MDGA2: variants seen among roughly 807,000 people sequenced by gnomAD.
The protein encoded by MDGA2 is MAM domain containing glycosylphosphatidylinositol anchor 2, also known as MAM domain-containing glycosylphosphatidylinositol anchor protein 2.
In MDGA2, 40 loss-of-function variants were observed where a neutral mutation model predicts 117.8. The observed-to-expected ratio is 0.34, with a 90% confidence interval of 0.26 to 0.44. The LOEUF (loss-of-function observed/expected upper bound fraction) is 0.44. Among genes scored for constraint, MDGA2 ranks in the 20% least tolerant of loss-of-function variants. The probability of loss-of-function intolerance (pLI) is 1.00; values close to 1 mark genes in which losing one functional copy is unlikely to be tolerated. For synonymous variants in MDGA2, 452 were observed against 439.0 expected (o/e 1.03, Z -0.37); for missense variants, 1,123 against 1,250.6 (o/e 0.90, Z 1.54).
chr14:47,200,251 C>G (rs932179975), intron 3 of MDGA2, among the ~76,000 whole-genome samples: 1 of 151,878 alleles, frequency 6.6e-6, no homozygotes, highest in South Asian at 2.1e-4. Flanking sequence ...ATTATCACCA[C>G]CATATATGGC....
chr14:47,535,585 A>G (rs1566503288), intron 1 of MDGA2, among the ~76,000 whole-genome samples: 1 of 152,236 alleles, frequency 6.6e-6, no homozygotes, highest in African/African-American at 2.4e-5. Flanking sequence ...TGAGTCGGGA[A>G]GGAGTGCATT....
At chr14:47,495,490 T>TC (rs1894263096) in intron 1 of MDGA2, among the ~76,000 whole-genome samples, 1 of 152,104 alleles carries the variant, frequency 6.6e-6, no homozygotes, top group Non-Finnish European at 1.5e-5. Flanking sequence ...TATTTATAAT[T>TC]CCCCCACAGG....
chr14:47,538,016 C>T (rs1895259312), intron 1 of MDGA2, among the ~76,000 whole-genome samples: 1 of 152,084 alleles, frequency 6.6e-6, no homozygotes, highest in Non-Finnish European at 1.5e-5. Context: ...GTAATTCTAC[C>T]AGCACTGATG....
At chr14:47,626,546 A>T (rs1198523142) in intron 1 of MDGA2, 1 of 152,642 alleles carries the variant, frequency 6.6e-6, no homozygotes, top group Non-Finnish European at 1.5e-5. Context: ...GCTTGCAGGG[A>T]GGTGCCGACG....
At chr14:46,903,353 T>G (rs1883366205) in intron 10 of MDGA2, among the ~76,000 whole-genome samples, 1 of 152,184 alleles carries the variant, frequency 6.6e-6, no homozygotes, top group South Asian at 2.1e-4. Flanking sequence ...TTCTTTTAAT[T>G]TTATTGTTAG....
chr14:47,054,309 G>A (rs967701082), intron 7 of MDGA2, among the ~76,000 whole-genome samples: 1 of 151,664 alleles, frequency 6.6e-6, no homozygotes, highest in Admixed American at 6.6e-5. Context: ...GTTCCTGAGT[G>A]AGTCTCAAAG....
intron 1 of MDGA2, among the ~76,000 whole-genome samples, chr14:47,592,956 T>C (rs1214686019): frequency 1.3e-5 from 2 of 152,000 alleles, no homozygotes; most frequent in Admixed American, 6.6e-5. Flanking sequence ...AAACAATCTA[T>C]ACAGTGGGAG....
intron 1 of MDGA2, among the ~76,000 whole-genome samples, chr14:47,573,860 T>A (rs964420720): frequency 6.6e-6 from 1 of 152,192 alleles, no homozygotes; most frequent in African/African-American, 2.4e-5. Flanking sequence ...TGTAGAATGC[T>A]GCTGTTTTCA....
At chr14:46,891,921 A>G (rs1009477926) in intron 10 of MDGA2, among the ~76,000 whole-genome samples, 2 of 151,838 alleles carry the variant, frequency 1.3e-5, no homozygotes, top group African/African-American at 4.8e-5. Context: ...TTACAAAAGT[A>G]AATGTGTTAT....
intron 12 of MDGA2, 63 bp downstream of exon 12, chr14:46,877,426 A>G: frequency 1.1e-6 from 1 of 949,586 alleles, no homozygotes; most frequent in Non-Finnish European, 1.5e-6. Context: ...TTGTATATTT[A>G]TAAACATTAT....
intron 1 of MDGA2, among the ~76,000 whole-genome samples, chr14:47,446,635 G>T (rs1893128525): frequency 6.6e-6 from 1 of 152,134 alleles, no homozygotes; most frequent in South Asian, 2.1e-4. Context: ...TTGCAAGACT[G>T]AAGTTTACAT....
At chr14:47,379,311 G>A (rs1001459831) in intron 1 of MDGA2, among the ~76,000 whole-genome samples, 11 of 152,194 alleles carry the variant, frequency 7.2e-5, no homozygotes, top group South Asian at 2.1e-4. Context: ...ATCAACTAAC[G>A]AATGAGCAAA....
intron 1 of MDGA2, among the ~76,000 whole-genome samples, chr14:47,501,459 A>T (rs1468370085): frequency 6.6e-6 from 1 of 152,212 alleles, no homozygotes; most frequent in Non-Finnish European, 1.5e-5. Context: ...GATTTTGTAA[A>T]TAATGGTGTT....
intron 7 of MDGA2, among the ~76,000 whole-genome samples, chr14:47,052,364 G>A (rs1229129487): frequency 6.6e-6 from 1 of 151,822 alleles, no homozygotes; most frequent in Non-Finnish European, 1.5e-5. Flanking sequence ...ACATGGGACA[G>A]TAATTAGACA....
intron 1 of MDGA2, among the ~76,000 whole-genome samples, chr14:47,547,302 A>G (rs1895482790): frequency 6.6e-6 from 1 of 152,228 alleles, no homozygotes; most frequent in Admixed American, 6.5e-5. Context: ...TGCCACATGC[A>G]TTCATTACAG....
chr14:47,309,583 C>T (rs1889568890), intron 1 of MDGA2, among the ~76,000 whole-genome samples: 1 of 151,910 alleles, frequency 6.6e-6, no homozygotes, highest in African/African-American at 2.4e-5. Flanking sequence ...CTTTACAAAG[C>T]CCAAAGTAAG....
intron 1 of MDGA2, among the ~76,000 whole-genome samples, chr14:47,353,603 T>C (rs1890931351): frequency 6.6e-6 from 1 of 152,140 alleles, no homozygotes; most frequent in African/African-American, 2.4e-5. Context: ...CCTGGTGTAC[T>C]TATAAGAAGA....
At chr14:47,406,504 A>C (rs1892264451) in intron 1 of MDGA2, among the ~76,000 whole-genome samples, 1 of 152,018 alleles carries the variant, frequency 6.6e-6, no homozygotes, top group African/African-American at 2.4e-5. Flanking sequence ...TTTACCAGGG[A>C]AGGGTTGGGA....
chr14:47,133,511 A>G (rs1445093245), intron 4 of MDGA2, among the ~76,000 whole-genome samples: 2 of 151,956 alleles, frequency 1.3e-5, no homozygotes, highest in Non-Finnish European at 2.9e-5. Context: ...ACCTCACTTT[A>G]TAACATTTCA....
Sources: gnomAD v4.1 joint callset for allele counts (sites outside exome capture counted in the v4.1 genomes callset) on GRCh38, gnomAD v4.1.1 for gene constraint, MANE v1.5 for transcripts, NCBI Gene and HGNC (gene_info 2026-07-23, HGNC 2026-07-21) for gene names.